Variants in ERBB4 observed in about 807,000 individuals in gnomAD.
The protein encoded by ERBB4 is receptor tyrosine-protein kinase erbB-4.
In ERBB4, 42 loss-of-function variants were observed where a neutral mutation model predicts 158.0. That is an observed-to-expected ratio of 0.27 (90% confidence interval 0.21 to 0.34). The LOEUF (loss-of-function observed/expected upper bound fraction) is 0.34, where lower values mean the gene tolerates loss of function less well. Among genes scored for constraint, ERBB4 ranks in the 10% least tolerant of loss-of-function variants. ERBB4 has a pLI of 1.00. For synonymous variants in ERBB4, 583 were observed against 558.7 expected, an observed-to-expected ratio of 1.04 and a Z score of -0.61; for missense variants, 1,333 against 1,624.1, an observed-to-expected ratio of 0.82 and a Z score of 3.08.
intron 1 of ERBB4, among the ~76,000 whole-genome samples, chr2:212,452,228 A>G (rs1306869849): frequency 1.3e-5 from 2 of 152,102 alleles, no homozygotes; most frequent in African/African-American, 4.8e-5. Context: ...ACACTTTCCA[A>G]CCCCCAGAGA....
chr2:212,261,447 A>G (rs1396432949), intron 1 of ERBB4, among the ~76,000 whole-genome samples: 2 of 152,210 alleles, frequency 1.3e-5, no homozygotes, highest in Non-Finnish European at 2.9e-5. Flanking sequence ...AAAAAAAGAA[A>G]TTACAAAAAT....
At chr2:212,538,380 G>T (rs1693227168) in intron 1 of ERBB4, 69 bp downstream of exon 1, 1 of 1,373,240 alleles carries the variant, frequency 7.3e-7, no homozygotes, top group South Asian at 1.2e-5. Flanking sequence ...GAAGAGGGCA[G>T]GGGAGCCACT....
At chr2:211,767,217 G>T (rs1233994112) in intron 4 of ERBB4, among the ~76,000 whole-genome samples, 1 of 152,000 alleles carries the variant, frequency 6.6e-6, no homozygotes, top group Non-Finnish European at 1.5e-5. Context: ...CAAGAACCTG[G>T]TCACCCTCCA....
chr2:211,935,793 A>T (rs2080305978), intron 3 of ERBB4, among the ~76,000 whole-genome samples: 1 of 152,168 alleles, frequency 6.6e-6, no homozygotes, highest in Non-Finnish European at 1.5e-5. Flanking sequence ...GTCTTTCTGG[A>T]GACCCCTAAC....
intron 3 of ERBB4, among the ~76,000 whole-genome samples, chr2:211,860,894 A>G: frequency 7.2e-6 from 1 of 139,392 alleles, no homozygotes; most frequent in Non-Finnish European, 1.5e-5. Flanking sequence ...AAAAAATACA[A>G]CTCAAAAAGA....
intron 2 of ERBB4, among the ~76,000 whole-genome samples, chr2:212,025,445 TTGTCC>T (rs1164752195): frequency 6.6e-6 from 1 of 151,798 alleles, no homozygotes; most frequent in Non-Finnish European, 1.5e-5. Flanking sequence ...GTAGAAAGTC[TTGTCC>T]AAAGAGAAAT....
chr2:211,808,713 T>G (rs961597927), intron 3 of ERBB4, among the ~76,000 whole-genome samples: 5 of 152,232 alleles, frequency 3.3e-5, no homozygotes, highest in African/African-American at 1.2e-4. Flanking sequence ...ATAAATCACT[T>G]CGGGCAGTAT....
At chr2:212,396,538 T>C (rs939600637) in intron 1 of ERBB4, among the ~76,000 whole-genome samples, 4 of 152,132 alleles carry the variant, frequency 2.6e-5, no homozygotes, top group African/African-American at 9.7e-5. Flanking sequence ...ATAAAGTTCT[T>C]AGAATTTAAT....
chr2:211,411,574 C>G (rs1025495734), intron 25 of ERBB4, among the ~76,000 whole-genome samples: 2 of 152,168 alleles, frequency 1.3e-5, no homozygotes, highest in African/African-American at 2.4e-5. Context: ...CCAACATGAT[C>G]TATATTTTGA....
At chr2:211,432,678 T>A (rs1174062290) in intron 20 of ERBB4, among the ~76,000 whole-genome samples, 1 of 152,006 alleles carries the variant, frequency 6.6e-6, no homozygotes, top group Non-Finnish European at 1.5e-5. Flanking sequence ...AGTAATACTA[T>A]CCCTTTAACA....
chr2:212,232,412 T>C (rs2083699234), intron 1 of ERBB4, among the ~76,000 whole-genome samples: 1 of 152,056 alleles, frequency 6.6e-6, no homozygotes, highest in African/African-American at 2.4e-5. Context: ...TACTTTTTAC[T>C]ATTATTATTA....
chr2:211,975,228 C>T (rs1169438445), intron 2 of ERBB4, among the ~76,000 whole-genome samples: 5 of 152,110 alleles, frequency 3.3e-5, no homozygotes, highest in African/African-American at 9.7e-5. Context: ...GGGAGCTATC[C>T]GCCTCCACCG....
intron 3 of ERBB4, among the ~76,000 whole-genome samples, chr2:211,816,397 T>C (rs1231653621): frequency 6.6e-6 from 1 of 151,426 alleles, no homozygotes; most frequent in Admixed American, 6.6e-5. Flanking sequence ...AAAAATTAGC[T>C]GGATGTGGTG....
At chr2:212,052,793 A>C (rs2077437588) in intron 2 of ERBB4, among the ~76,000 whole-genome samples, 1 of 152,024 alleles carries the variant, frequency 6.6e-6, no homozygotes, top group Non-Finnish European at 1.5e-5. Flanking sequence ...CCCCTCCCTA[A>C]TTTCTTTCAA....
chr2:211,718,302 C>T (rs910217825), intron 7 of ERBB4, among the ~76,000 whole-genome samples: 7 of 152,250 alleles, frequency 4.6e-5, no homozygotes, highest in East Asian at 1.9e-4. Flanking sequence ...AATAAGGGAA[C>T]GAAGCCACGA....
chr2:212,442,428 T>C (rs1376377959), intron 1 of ERBB4, among the ~76,000 whole-genome samples: 1 of 152,018 alleles, frequency 6.6e-6, no homozygotes, highest in Admixed American at 6.6e-5. Flanking sequence ...CAAGGAAACT[T>C]AAGGCCTTTT....
chr2:212,188,231 TCTCC>T (rs1559691488), intron 1 of ERBB4, among the ~76,000 whole-genome samples: 5 of 22,016 alleles, frequency 2.3e-4, no homozygotes, highest in African/African-American at 1.0e-3. Context: ...TCTCTCTCTC[TCTCC>T]CCCCCCCTCT....
intron 25 of ERBB4, among the ~76,000 whole-genome samples, chr2:211,420,082 A>G (rs2063483498): frequency 6.6e-6 from 1 of 152,090 alleles, no homozygotes; most frequent in Admixed American, 6.6e-5. Flanking sequence ...TTTAAGAAAG[A>G]AAAGTAGAAA....
intron 3 of ERBB4, among the ~76,000 whole-genome samples, chr2:211,886,463 T>C (rs1175056351): frequency 2.6e-5 from 4 of 152,190 alleles, no homozygotes; most frequent in African/African-American, 4.8e-5. Context: ...CTTAAAAAAG[T>C]ACTTATATGT....
Sources: gnomAD v4.1 joint callset for allele counts (sites outside exome capture counted in the v4.1 genomes callset) on GRCh38, gnomAD v4.1.1 for gene constraint, MANE v1.5 for transcripts, NCBI Gene and HGNC (gene_info 2026-07-23, HGNC 2026-07-21) for gene names.